BFSP1: variants seen among roughly 807,000 people sequenced by gnomAD.
The protein encoded by BFSP1 is beaded filament structural protein 1.
A neutral mutation model predicts 43.9 loss-of-function variants in BFSP1; 38 were observed. The ratio of observed to expected loss-of-function variants is 0.87; its 90% CI spans 0.67 to 1.14. The LOEUF (loss-of-function observed/expected upper bound fraction) is 1.14, where lower values mean the gene tolerates loss of function less well. BFSP1 is among the 50% of genes most tolerant of loss of function. BFSP1 has a pLI of 0.00. For missense variants in BFSP1, 850 were observed against 875.1 expected (o/e 0.97, Z 0.36); for synonymous variants, 352 against 354.8 (o/e 0.99, Z 0.09).
intron 1 of BFSP1, among the ~76,000 whole-genome samples, chr20:17,556,226 G>T (rs536044024): frequency 6.6e-6 from 1 of 152,156 alleles, no homozygotes; most frequent in South Asian, 2.1e-4. Context: ...TCATCAGCCG[G>T]GTGCAGTGGC....
intron 2 of BFSP1, chr20:17,517,367 C>T: frequency 3.2e-6 from 3 of 941,620 alleles, no homozygotes; most frequent in Non-Finnish European, 5.1e-6. Context: ...AACAAACAAA[C>T]AAAATCATTT....
chr20:17,509,199 T>A (rs2034016554), intron 4 of BFSP1, among the ~76,000 whole-genome samples: 2 of 152,064 alleles, frequency 1.3e-5, no homozygotes, highest in African/African-American at 2.4e-5. Context: ...GGGGGCCCCA[T>A]CATGTGATTA....
At chr20:17,496,709 A>G (rs1415439299) in intron 7 of BFSP1, among the ~76,000 whole-genome samples, 1 of 152,234 alleles carries the variant, frequency 6.6e-6, no homozygotes, top group Non-Finnish European at 1.5e-5. Flanking sequence ...TAGGGATGGC[A>G]TGCCCAAGGT....
intron 5 of BFSP1, among the ~76,000 whole-genome samples, chr20:17,505,035 G>A (rs918433369): frequency 6.6e-6 from 1 of 151,588 alleles, no homozygotes; most frequent in East Asian, 1.9e-4. Flanking sequence ...AATGAGACAT[G>A]GGCGGTTCCC....
intron 1 of BFSP1, among the ~76,000 whole-genome samples, chr20:17,539,389 C>T (rs962955807): frequency 6.6e-6 from 1 of 151,842 alleles, no homozygotes; most frequent in Non-Finnish European, 1.5e-5. Context: ...TGGGATTACA[C>T]GTGTGAGCCA....
intron 5 of BFSP1, among the ~76,000 whole-genome samples, chr20:17,508,264 G>A (rs1163127681): frequency 6.6e-6 from 1 of 152,148 alleles, no homozygotes; most frequent in Non-Finnish European, 1.5e-5. Context: ...AGATGAGCCG[G>A]CAAGTAGCCA....
At chr20:17,566,050 G>A (rs990149598) in intron 1 of BFSP1, among the ~76,000 whole-genome samples, 3 of 150,520 alleles carry the variant, frequency 2.0e-5, no homozygotes, top group Admixed American at 1.3e-4. Flanking sequence ...CTCAGGAGGC[G>A]GAGGTTGCAG....
intron 5 of BFSP1, among the ~76,000 whole-genome samples, chr20:17,500,799 A>T (rs919378578): frequency 2.0e-5 from 3 of 152,186 alleles, no homozygotes; most frequent in South Asian, 2.1e-4. Flanking sequence ...AGCTTAAAAA[A>T]AATTTAAACT....
At chr20:17,546,322 G>A (rs1384819648) in intron 1 of BFSP1, among the ~76,000 whole-genome samples, 3 of 152,152 alleles carry the variant, frequency 2.0e-5, no homozygotes, top group Non-Finnish European at 2.9e-5. Context: ...TCACTATCAT[G>A]AGAACAGCAT....
chr20:17,549,749 T>A (rs111842485), intron 1 of BFSP1, among the ~76,000 whole-genome samples: 1,935 of 152,124 alleles, frequency 0.013, 55 homozygotes, highest in African/African-American at 0.045. Flanking sequence ...GGCACAAGAA[T>A]CACTTAAACC....
chr20:17,547,153 G>A (rs186726727), intron 1 of BFSP1, among the ~76,000 whole-genome samples: 6 of 151,676 alleles, frequency 4.0e-5, no homozygotes, highest in African/African-American at 1.5e-4. Flanking sequence ...AGGGCAACAT[G>A]GTAAGACTTT....
intron 1 of BFSP1, among the ~76,000 whole-genome samples, chr20:17,540,121 T>C (rs1431789185): frequency 1.3e-5 from 2 of 152,166 alleles, no homozygotes; most frequent in African/African-American, 4.8e-5. Flanking sequence ...AAGTTCGCCA[T>C]TGTTTAGCAG....
chr20:17,519,094 A>G (rs1287409415), intron 2 of BFSP1, among the ~76,000 whole-genome samples: 1 of 152,194 alleles, frequency 6.6e-6, no homozygotes, highest in Non-Finnish European at 1.5e-5. Flanking sequence ...AAGACTGCTG[A>G]GGATGGGGTG....
rs759553844 is a variant in BFSP1, at chr20:17,508,905, A to G, written c.719T>C (p.Val240Ala). The G allele has an allele frequency of 6.9e-6, 11 of 1,598,820 alleles. No individual in the cohort carries two copies. Among genetic ancestry groups the G allele is most frequent in the Non-Finnish European group, 9.4e-6 (11 of 1,173,686 alleles). Residue 240 changes from valine to alanine, a missense_variant, in exon 5 of 8, where the codon GTG (valine) becomes GCG (alanine). Physicochemically the swap from Val to Ala is moderately conservative, Grantham distance 64 (BLOSUM62 0). Transcript: ENST00000377873. ...CGAGCGTACCTGTGCCTGCAGCTCC[A>G]CTCTCTGCGCCTGCAGGTGGGAGAG... ...EVLSHLQAQR[V>A]ELQAQTTTLE...
chr20:17,494,186 T>G lies in BFSP1; in HGVS notation c.1886A>C (p.Glu629Ala). Reference protein sequence around the residue: ...YKTVEVVESIEKISTESIQTY... With the variant: ...YKTVEVVESIAKISTESIQTY... The stretch of plus-strand genomic sequence containing the variant: ...CTGAATGCTCTCCGTGGAAATCTTC[T>G]CGATAGATTCCACCACTTCCACTGT... Residue 629 changes from glutamate to alanine, a missense_variant, in exon 8 of 8, where the codon GAG becomes GCG. Transcript: ENST00000377873. The G allele has an allele frequency of 1.2e-6, 2 of 1,614,192 alleles. No individual in the cohort carries two copies. Among genetic ancestry groups the G allele is most frequent in the Non-Finnish European group, 1.7e-6 (2 of 1,180,054 alleles).
intron 5 of BFSP1, among the ~76,000 whole-genome samples, chr20:17,506,367 G>A (rs1368460534): frequency 2.0e-5 from 3 of 152,148 alleles, no homozygotes; most frequent in Non-Finnish European, 4.4e-5. Flanking sequence ...TGACACGGGT[G>A]CTGGTGGTGA....
intron 1 of BFSP1, among the ~76,000 whole-genome samples, chr20:17,526,832 T>G (rs2123523912): frequency 1.3e-5 from 2 of 152,344 alleles, no homozygotes; most frequent in South Asian, 4.1e-4. Flanking sequence ...TTTTCTGTTG[T>G]TTTTTGTTTT....
At chr20:17,555,558 C>T (rs1389625399) in intron 1 of BFSP1, among the ~76,000 whole-genome samples, 6 of 152,062 alleles carry the variant, frequency 3.9e-5, no homozygotes, top group African/African-American at 1.4e-4. Flanking sequence ...GAGGCTGAGG[C>T]ATGAGAATCG....
intron 5 of BFSP1, among the ~76,000 whole-genome samples, chr20:17,508,366 T>C (rs2033990893): frequency 6.6e-6 from 1 of 152,180 alleles, no homozygotes; most frequent in South Asian, 2.1e-4. Flanking sequence ...AAATGTGAGC[T>C]TTCCACCAAC....
Sources: allele counts gnomAD v4.1 joint callset (sites outside exome capture counted in the v4.1 genomes callset), GRCh38; gene constraint gnomAD v4.1.1; transcripts MANE v1.5; gene names NCBI Gene and HGNC (gene_info 2026-07-23, HGNC 2026-07-21).